The following HELLS variants were observed in gnomAD, a reference collection of about 807,000 sequenced individuals.
HELLS encodes the protein lymphoid-specific helicase.
In HELLS, 32 loss-of-function variants were observed where a neutral mutation model predicts 120.0. The observed-to-expected ratio is 0.27, with a 90% CI of 0.20 to 0.36. HELLS has a LOEUF of 0.36. HELLS is among the 10% of genes least tolerant of loss of function. HELLS has a pLI of 1.00. For synonymous variants in HELLS, 341 were observed against 323.4 expected (o/e 1.05, Z -0.58); for missense variants, 650 against 993.4 (o/e 0.65, Z 4.65).
intron 2 of HELLS, among the ~76,000 whole-genome samples, chr10:94,548,075 T>C (rs974730643): frequency 6.6e-6 from 1 of 152,224 alleles, no homozygotes; most frequent in Non-Finnish European, 1.5e-5. Context: ...AAATAAGTAA[T>C]GATAAATACT....
chr10:94,587,775 A>T (rs1845244792), intron 12 of HELLS, among the ~76,000 whole-genome samples: 1 of 152,144 alleles, frequency 6.6e-6, no homozygotes, highest in Admixed American at 6.5e-5. Context: ...TTAAATTATT[A>T]TTGACTGTAG....
intron 3 of HELLS, among the ~76,000 whole-genome samples, chr10:94,556,846 A>G (rs961473665): frequency 5.9e-5 from 9 of 152,202 alleles, no homozygotes; most frequent in African/African-American, 2.2e-4. Context: ...GTTGTTTCTG[A>G]AAAGTGAAAG....
intron 2 of HELLS, among the ~76,000 whole-genome samples, chr10:94,548,718 G>A (rs1348937836): frequency 6.6e-6 from 1 of 152,092 alleles, no homozygotes; most frequent in African/African-American, 2.4e-5. Flanking sequence ...TCATGGCCTG[G>A]CATGGTGGCT....
exon 10 of HELLS, chr10:94,611,388 CAA>C (rs1426319790): frequency 4.6e-5 from 7 of 152,054 alleles, no homozygotes; most frequent in African/African-American, 7.2e-5. Flanking sequence ...TTCAATAACT[CAA>C]AGAGACCACC....
At position 94,546,289 on chromosome 10, in the gene HELLS, T is replaced by A. The variant is rs929533098; in HGVS notation, c.32-88T>A. 7 of 1,532,968 alleles carry A rather than the reference T, an allele frequency of 4.6e-6. No individual in the cohort carries two copies. In the African/African-American group the frequency reaches 9.5e-5, roughly 21 times the overall value. The allele number at this position is 1,532,968 out of a possible 1,614,324, so 95.0% of individuals were successfully genotyped here. ...TCTTCAGCTTTTGCTCCAGTGCATC[T>A]CGGGTGGGAGAAAGGCTGTTTCTTG... On this transcript the variant is annotated intron_variant, in intron 1 of 21. Transcript: ENST00000348459.
At chr10:94,564,405 T>C (rs1326728165) in intron 6 of HELLS, among the ~76,000 whole-genome samples, 1 of 152,202 alleles carries the variant, frequency 6.6e-6, no homozygotes, top group African/African-American at 2.4e-5. Context: ...ATTGTCACTA[T>C]AATTTAACTT....
At chr10:94,551,823 T>C (rs1344856474) in intron 2 of HELLS, among the ~76,000 whole-genome samples, 1 of 151,636 alleles carries the variant, frequency 6.6e-6, no homozygotes. Context: ...CACTGCAAGC[T>C]CTGCCTTCCG....
intron 21 of HELLS, 148 bp downstream of exon 21, chr10:94,597,259 T>C: frequency 1.9e-6 from 1 of 530,996 alleles, no homozygotes; most frequent in Non-Finnish European, 3.3e-6. Flanking sequence ...AAATCAAATC[T>C]CAGACATGAC....
At chr10:94,567,365 C>T (rs1381978902) in intron 6 of HELLS, among the ~76,000 whole-genome samples, 1 of 152,124 alleles carries the variant, frequency 6.6e-6, no homozygotes, top group East Asian at 1.9e-4. Context: ...ATGGCGCCAT[C>T]TCGGCTCATT....
chr10:94,606,961 A>C (rs192127915), downstream of HELLS, among the ~76,000 whole-genome samples: 1 of 152,228 alleles, frequency 6.6e-6, no homozygotes, highest in Non-Finnish European at 1.5e-5. Flanking sequence ...AAATTCTCTA[A>C]TCACTTGTCC....
downstream of HELLS, among the ~76,000 whole-genome samples, chr10:94,604,045 C>T (rs1403961391): frequency 1.3e-5 from 2 of 151,200 alleles, no homozygotes; most frequent in Non-Finnish European, 2.9e-5. Context: ...TAAGGCTGGT[C>T]TCCAACTCCT....
At chr10:94,589,458 C>T (rs1004885344) in intron 13 of HELLS, among the ~76,000 whole-genome samples, 3 of 151,988 alleles carry the variant, frequency 2.0e-5, no homozygotes, top group Non-Finnish European at 4.4e-5. Flanking sequence ...TTATTGATAA[C>T]CAAAAAGATT....
At chr10:94,549,610 C>CTGGTGT (rs1565010863) in intron 2 of HELLS, among the ~76,000 whole-genome samples, 1 of 152,028 alleles carries the variant, frequency 6.6e-6, no homozygotes. Context: ...AATAAAAAAT[C>CTGGTGT]TGGGATTGGT....
chr10:94,549,159 C>G (rs534344893), intron 2 of HELLS, among the ~76,000 whole-genome samples: 1 of 152,276 alleles, frequency 6.6e-6, no homozygotes, highest in Admixed American at 6.5e-5. Context: ...CTAGATGACA[C>G]TAGAAAATTC....
At chr10:94,551,299 G>A (rs1361578719) in intron 2 of HELLS, among the ~76,000 whole-genome samples, 1 of 152,112 alleles carries the variant, frequency 6.6e-6, no homozygotes, top group African/African-American at 2.4e-5. Context: ...TGCCGGGTAC[G>A]GTGGCTCACA....
chr10:94,576,906 T>A, intron 10 of HELLS, 101 bp downstream of exon 10: 1 of 1,084,504 alleles, frequency 9.2e-7, no homozygotes, highest in Admixed American at 2.5e-5. Context: ...TAATTTTTTT[T>A]TGTTGTCGAA....
At chr10:94,603,458 TC>T (rs1846089337), downstream of HELLS, among the ~76,000 whole-genome samples, 1 of 152,234 alleles carries the variant, frequency 6.6e-6, no homozygotes, top group South Asian at 2.1e-4. Flanking sequence ...TTTCTCAGTT[TC>T]CTTTGCTGTT....
intron 6 of HELLS, among the ~76,000 whole-genome samples, chr10:94,563,860 G>T (rs528678592): frequency 1.3e-5 from 2 of 148,508 alleles, no homozygotes; most frequent in South Asian, 4.3e-4. Context: ...GCCCAGGCTG[G>T]AATGCAATGG....
chr10:94,578,105 A>G (rs867864882), intron 10 of HELLS, among the ~76,000 whole-genome samples: 2 of 149,588 alleles, frequency 1.3e-5, no homozygotes, highest in African/African-American at 4.9e-5. Context: ...AAATACAAAA[A>G]TTAGCTGGGT....
Sources: allele counts gnomAD v4.1 joint callset (sites outside exome capture counted in the v4.1 genomes callset), GRCh38; gene constraint gnomAD v4.1.1; transcripts MANE v1.5; gene names NCBI Gene and HGNC (gene_info 2026-07-23, HGNC 2026-07-21).